Variants in SASS6 observed in about 807,000 individuals in gnomAD.
The protein encoded by SASS6 is spindle assembly abnormal protein 6 homolog.
SASS6 carries 59 observed loss-of-function variants against 94.9 expected under a neutral mutation model. That is an observed-to-expected ratio of 0.62 (90% CI 0.50 to 0.77). The LOEUF (loss-of-function observed/expected upper bound fraction) is 0.77. SASS6 is among the 30% of genes least tolerant of loss of function. SASS6 has a pLI of 0.00. For synonymous variants in SASS6, 264 were observed against 270.0 expected (o/e 0.98, Z 0.22); for missense variants, 698 against 734.1 (o/e 0.95, Z 0.57).
At chr1:100,113,621 CA>C (rs1372789076) in intron 7 of SASS6, among the ~76,000 whole-genome samples, 67 of 69,272 alleles carry the variant, frequency 9.7e-4, no homozygotes, top group Non-Finnish European at 1.3e-3. Flanking sequence ...GACTCGGTCT[CA>C]AAAAAAAAAA....
chr1:100,094,844 C>A (rs144262549), intron 14 of SASS6, among the ~76,000 whole-genome samples: 7 of 141,916 alleles, frequency 4.9e-5, no homozygotes, highest in African/African-American at 1.6e-4. Context: ...CCAGCCAGGG[C>A]AACAGAGAGA....
At chr1:100,122,247 A>C in intron 4 of SASS6, 133 bp downstream of exon 4, 1 of 442,388 alleles carries the variant, frequency 2.3e-6, no homozygotes, top group Non-Finnish European at 4.0e-6. Flanking sequence ...GATTTAATGG[A>C]GGCCTAACCC....
At chr1:100,129,030 A>G (rs901668037) in intron 1 of SASS6, among the ~76,000 whole-genome samples, 7 of 152,082 alleles carry the variant, frequency 4.6e-5, no homozygotes, top group Non-Finnish European at 7.4e-5. Context: ...CCTGAGGCCA[A>G]GAGTTCAAGA....
At chr1:100,111,754 C>T (rs1211773581) in intron 7 of SASS6, among the ~76,000 whole-genome samples, 4 of 151,712 alleles carry the variant, frequency 2.6e-5, no homozygotes, top group Non-Finnish European at 5.9e-5. Flanking sequence ...GGAGAAGGAG[C>T]AAAAAGAGAT....
At chr1:100,121,918 C>T (rs1183114985) in intron 4 of SASS6, among the ~76,000 whole-genome samples, 1 of 152,092 alleles carries the variant, frequency 6.6e-6, no homozygotes, top group East Asian at 1.9e-4. Flanking sequence ...AGGAAAAGTT[C>T]TTCTTTATAG....
At chr1:100,108,341 A>C (rs1653066093) in intron 8 of SASS6, among the ~76,000 whole-genome samples, 1 of 152,114 alleles carries the variant, frequency 6.6e-6, no homozygotes, top group South Asian at 2.1e-4. Context: ...GAGCCGCCAC[A>C]ATGTAGACTT....
At chr1:100,092,043 A>C (rs2101641954) in intron 14 of SASS6, among the ~76,000 whole-genome samples, 1 of 150,974 alleles carries the variant, frequency 6.6e-6, no homozygotes, top group South Asian at 2.1e-4. Flanking sequence ...AAATTGAAGA[A>C]ATAATGGCTG....
chr1:100,108,124 G>A, intron 8 of SASS6, 120 bp from the exon 9 acceptor site: 1 of 543,182 alleles, frequency 1.8e-6, no homozygotes, highest in Non-Finnish European at 3.1e-6. Flanking sequence ...TAAAGTTTTA[G>A]TACAGATTTT....
intron 12 of SASS6, 119 bp downstream of exon 12, chr1:100,106,793 G>A: frequency 1.7e-6 from 1 of 588,302 alleles, no homozygotes. Context: ...GGTGGAGGCT[G>A]CAGTGAGCTG....
At chr1:100,103,424 G>C (rs1652653749) in intron 13 of SASS6, among the ~76,000 whole-genome samples, 1 of 152,086 alleles carries the variant, frequency 6.6e-6, no homozygotes, top group Non-Finnish European at 1.5e-5. Flanking sequence ...AGATCAATAG[G>C]CCAATCAGAG....
chr1:100,121,687 C>A, intron 4 of SASS6, 138 bp from the exon 5 acceptor site: 4 of 541,482 alleles, frequency 7.4e-6, no homozygotes, highest in South Asian at 2.5e-5. Context: ...ATAAATTGGG[C>A]AAAAAAAAGA....
At chr1:100,132,589 A>G (rs893109367) in intron 1 of SASS6, among the ~76,000 whole-genome samples, 161 bp downstream of exon 1, 4 of 152,068 alleles carry the variant, frequency 2.6e-5, no homozygotes, top group African/African-American at 9.7e-5. Flanking sequence ...CGACTTGGTG[A>G]GAGAGGTAAC....
In SASS6 at chr1:100,106,913, C is replaced by T. The variant is rs1415764887; in HGVS notation, c.1407G>A (p.Lys469=). The part of the protein sequence containing the change: ...ESKQLLKNNE[K]LITWLNKELN... ...TACATTAACACGTAACATACTTACA[C>T]TTTTCATTATTTTTTAGAAGTTGTT... Residue 469 remains lysine (K), a splice_region_variant and synonymous_variant, in exon 12 of 17, where the codon AAG becomes AAA. Transcript: ENST00000287482. 8.1e-7 allele frequency: 1 copy of T among 1,231,894 alleles called. No individual in the cohort carries two copies. The highest frequency in any genetic ancestry group is 1.2e-6 in the Non-Finnish European group (1 of 841,906). The allele number at this position is 1,231,894 out of a possible 1,614,324, so 76.3% of individuals were successfully genotyped here. A position where few individuals can be genotyped will look rare whatever the true frequency, so the allele number is the denominator to read the frequency against.
At chr1:100,124,028 G>T (rs1461409059) in intron 2 of SASS6, among the ~76,000 whole-genome samples, 2 of 152,168 alleles carry the variant, frequency 1.3e-5, no homozygotes, top group Non-Finnish European at 2.9e-5. Flanking sequence ...AACTAATAAA[G>T]AACTGGGCAT....
intron 7 of SASS6, among the ~76,000 whole-genome samples, chr1:100,114,529 T>A (rs1230212619): frequency 2.0e-5 from 3 of 149,186 alleles, no homozygotes; most frequent in Non-Finnish European, 4.5e-5. Context: ...AAAAAAAAAA[T>A]AAATAAATAA....
At chr1:100,094,325 G>A (rs994159778) in intron 14 of SASS6, among the ~76,000 whole-genome samples, 25 of 151,992 alleles carry the variant, frequency 1.6e-4, no homozygotes, top group African/African-American at 6.0e-4. Context: ...AAAGCCTCCG[G>A]CAAAAAAATT....
At chr1:100,091,212 C>T (rs1175408407) in intron 14 of SASS6, among the ~76,000 whole-genome samples, 2 of 152,022 alleles carry the variant, frequency 1.3e-5, no homozygotes, top group African/African-American at 4.8e-5. Context: ...GGCTGAGGCA[C>T]AAGAATTGCT....
At chr1:100,089,922 A>G (rs1651560989) in intron 14 of SASS6, among the ~76,000 whole-genome samples, 1 of 152,160 alleles carries the variant, frequency 6.6e-6, no homozygotes, top group South Asian at 2.1e-4. Flanking sequence ...AGTAGAGCTT[A>G]TAACAAAGAT....
intron 2 of SASS6, among the ~76,000 whole-genome samples, chr1:100,123,506 G>A (rs1451907088): frequency 6.6e-6 from 1 of 152,210 alleles, no homozygotes; most frequent in Non-Finnish European, 1.5e-5. Flanking sequence ...ATGGAGGTCT[G>A]TAAAAGTTAA....
Sources: gnomAD v4.1 joint callset for allele counts (sites outside exome capture counted in the v4.1 genomes callset) on GRCh38, gnomAD v4.1.1 for gene constraint, MANE v1.5 for transcripts, NCBI Gene and HGNC (gene_info 2026-07-23, HGNC 2026-07-21) for gene names.